Variants in SLC16A14 observed in about 807,000 individuals in gnomAD.
SLC16A14 encodes solute carrier family 16 member 14.
Under a neutral mutation model 35.8 loss-of-function variants are expected in SLC16A14, and 14 were observed. That is an observed-to-expected ratio of 0.39 (90% CI 0.26 to 0.61). The LOEUF (loss-of-function observed/expected upper bound fraction) is 0.61, where lower values mean the gene tolerates loss of function less well. Ranked by LOEUF, SLC16A14 falls within the 20% of genes least tolerant of loss-of-function variation. The pLI is 0.51. For synonymous variants in SLC16A14, 248 were observed against 258.9 expected, an observed-to-expected ratio of 0.96 and a Z score of 0.40; for missense variants, 533 against 655.0, an observed-to-expected ratio of 0.81 and a Z score of 2.03.
intron 2 of SLC16A14, among the ~76,000 whole-genome samples, chr2:230,050,114 G>T (rs1281468130): frequency 6.6e-6 from 1 of 152,176 alleles, no homozygotes. Context: ...GGATTTTCAG[G>T]AAAGGCAGAC....
intron 2 of SLC16A14, among the ~76,000 whole-genome samples, chr2:230,053,003 G>A (rs1270425299): frequency 6.6e-6 from 1 of 151,726 alleles, no homozygotes; most frequent in Non-Finnish European, 1.5e-5. Flanking sequence ...GTGCAGTGGT[G>A]CCATCTCGGC....
chr2:230,063,441 A>G (rs554193037), intron 1 of SLC16A14, among the ~76,000 whole-genome samples: 9 of 151,680 alleles, frequency 5.9e-5, no homozygotes, highest in African/African-American at 1.2e-4. Context: ...TCTTCTGTTG[A>G]TCCTTCAAGA....
chr2:230,060,557 T>C (rs1288111235), intron 1 of SLC16A14, among the ~76,000 whole-genome samples: 1 of 152,120 alleles, frequency 6.6e-6, no homozygotes, highest in Non-Finnish European at 1.5e-5. Flanking sequence ...AGACAGGATC[T>C]CACTATGTTG....
Position 230,046,712 on chromosome 2 carries a change from G to A in SLC16A14, c.414C>T (p.Ser138=), listed in dbSNP as rs765762688. Residue 138 remains serine, a synonymous_variant, in exon 4 of 5, where the codon AGC becomes AGT. Coordinates refer to ENST00000295190, the MANE Select transcript of SLC16A14 (RefSeq NM_152527.5). This position sits in a 1 kb window ranked among gnomAD's most constrained non-coding sequence, Gnocchi z 5.0. ...CCACCGCTGGCAGGTAGGCCATCCC[G>A]CTGCCCAGGCCTGTACAGGCCGACG... ...ITFGVAAGLG[S]GMAYLPAVVM... 6 of 1,599,174 alleles carry A rather than the reference G, an allele frequency of 3.8e-6. No individual in the cohort carries two copies. Among genetic ancestry groups the A allele is most frequent in the South Asian group, 1.1e-5 (1 of 90,964 alleles).
chr2:230,044,432 C>A (rs2077584319), intron 4 of SLC16A14, among the ~76,000 whole-genome samples: 2 of 148,766 alleles, frequency 1.3e-5, no homozygotes, highest in Non-Finnish European at 3.0e-5. Context: ...AAGCTGAGAT[C>A]ACGCCACTGC....
At chr2:230,067,973 C>G (rs1458169006) in intron 1 of SLC16A14, 2 of 152,230 alleles carry the variant, frequency 1.3e-5, no homozygotes, top group African/African-American at 4.8e-5. Flanking sequence ...CACCCCGAGA[C>G]CACATCCCCA....
At chr2:230,044,704 TTG>T (rs751868776) in intron 4 of SLC16A14, among the ~76,000 whole-genome samples, 24,168 of 132,364 alleles carry the variant, frequency 0.18, 2,490 homozygotes, top group Non-Finnish European at 0.24. Flanking sequence ...AAGTCTGTAT[TTG>T]TGTGTGTGTG....
rs375839267 is a variant in SLC16A14, at chr2:230,045,811, C to G, written c.1315G>C (p.Ala439Pro). 6.8e-6 allele frequency: 11 copies of G among 1,614,142 alleles called. No homozygotes were observed. The highest frequency in any genetic ancestry group is 8.5e-6 in the Non-Finnish European group (10 of 1,180,008). ...TEDLVGIEHL[A>P]NAYGIIICAN... The stretch of plus-strand genomic sequence containing the variant: ...CAGATGATGATGCCGTAGGCATTGG[C>G]CAGGTGTTCAATGCCAACCAAGTCT... Residue 439 changes from alanine to proline, a missense_variant, in exon 4 of 5, where the codon GCC (alanine) becomes CCC (proline). Transcript: ENST00000295190.
chr2:230,037,451 A>C lies in SLC16A14; in HGVS notation c.1462T>G (p.Leu488Val), dbSNP rs1321956725. Residue 488 changes from leucine to valine, a missense_variant, in exon 5 of 5, where the codon TTA becomes GTA. Coordinates refer to ENST00000295190, the MANE Select transcript of SLC16A14 (RefSeq NM_152527.5). ...ATTCGAATGCACGGCTGAATAAGTA[A>C]AAAGAGTATTCCTATCATGTAAAGC... The part of the protein sequence containing the change: ...GLLYMIGILF[L>V]LIQPCIRIIE... 3.7e-6 allele frequency: 6 copies of C among 1,613,192 alleles called. No homozygotes were observed. Among genetic ancestry groups the C allele is most frequent in the Non-Finnish European group, 5.1e-6 (6 of 1,179,806 alleles).
At chr2:230,058,125 TG>T (rs1409019810) in intron 2 of SLC16A14, 2 of 152,116 alleles carry the variant, frequency 1.3e-5, no homozygotes, top group Non-Finnish European at 2.9e-5. Context: ...TATTCATAAA[TG>T]TTAAACAAGC....
intron 1 of SLC16A14, among the ~76,000 whole-genome samples, chr2:230,059,897 AG>A (rs2077737642): frequency 6.6e-6 from 1 of 152,334 alleles, no homozygotes; most frequent in African/African-American, 2.4e-5. Context: ...GATTAGCCTC[AG>A]GGGGTCTGGC....
chr2:230,054,208 G>A (rs1321065536), intron 2 of SLC16A14, among the ~76,000 whole-genome samples: 1 of 151,882 alleles, frequency 6.6e-6, no homozygotes, highest in Non-Finnish European at 1.5e-5. Context: ...CCAACAATAG[G>A]GCATCCCCCA....
Position 230,055,830 on chromosome 2 carries a change from A to G in SLC16A14, c.259+3264T>C, listed in dbSNP as rs73109605. On this transcript the variant is annotated intron_variant, in intron 2 of 4. Transcript: ENST00000295190. ...CATACACTTCCAAGATTAAATCTAC[A>G]TGTGTTTTGTTTAACCCCTTACAAA... is the stretch of plus-strand genomic sequence containing the variant. Among the ~76,000 whole-genome samples the G allele has an allele frequency of 6.4e-3, 977 of 152,330 alleles. 10 individuals carry two copies. Among genetic ancestry groups the G allele is most frequent in the African/African-American group, 0.022 (912 of 41,566 alleles).
intron 1 of SLC16A14, among the ~76,000 whole-genome samples, chr2:230,064,515 G>T (rs1577402947): frequency 6.6e-6 from 1 of 152,300 alleles, no homozygotes; most frequent in African/African-American, 2.4e-5. Context: ...CTCTGCCTCT[G>T]TTGTGTGCAG....
Position 230,046,499 on chromosome 2 carries a change from C to T in SLC16A14, c.627G>A (p.Met209Ile). 1.2e-6 allele frequency: 2 copies of T among 1,614,186 alleles called. No homozygotes were observed. The highest frequency in any genetic ancestry group is 1.7e-6 in the Non-Finnish European group (2 of 1,180,020). ...GGTTTTTACCAGGAGAGAGGGGCCT[C>T]ATGAGCGCCCCACAAACACACAGGT... is the stretch of plus-strand genomic sequence containing the variant. ...SLNLCVCGAL[M>I]RPLSPGKNPN... is the part of the protein sequence containing the mutation. The change falls in exon 4 of 5, where the codon ATG (methionine) becomes ATA (isoleucine). Residue 209 changes from methionine (M) to isoleucine (I), a missense_variant. Coordinates refer to ENST00000295190, the MANE Select transcript of SLC16A14 (RefSeq NM_152527.5). The surrounding 1 kb of genome is among the most constrained non-coding windows in gnomAD (Gnocchi z 5.0).
At chr2:230,048,176 A>G (rs1375048707) in intron 3 of SLC16A14, among the ~76,000 whole-genome samples, 1 of 152,228 alleles carries the variant, frequency 6.6e-6, no homozygotes, top group Non-Finnish European at 1.5e-5. Flanking sequence ...TCATTTAATC[A>G]TTTCAACAAC....
intron 2 of SLC16A14, among the ~76,000 whole-genome samples, chr2:230,053,567 G>A (rs1251030661): frequency 6.6e-6 from 1 of 152,138 alleles, no homozygotes; most frequent in African/African-American, 2.4e-5. Context: ...TGGATCACGA[G>A]GTCAGGAGTT....
At chr2:230,050,652 G>A (rs917329876) in intron 2 of SLC16A14, among the ~76,000 whole-genome samples, 1 of 152,122 alleles carries the variant, frequency 6.6e-6, no homozygotes, top group African/African-American at 2.4e-5. Flanking sequence ...TGGACGGTAG[G>A]TTATTATGTT....
chr2:230,043,440 A>G (rs1331788965), intron 4 of SLC16A14, among the ~76,000 whole-genome samples: 1 of 152,174 alleles, frequency 6.6e-6, no homozygotes, highest in Non-Finnish European at 1.5e-5. Context: ...AAAGACTGGG[A>G]AAAAAGGGGG....
Sources: gnomAD v4.1 joint callset for allele counts (sites outside exome capture counted in the v4.1 genomes callset) on GRCh38, gnomAD v4.1.1 for gene constraint, Gnocchi (gnomAD v3.1) non-coding constraint, MANE v1.5 for transcripts, NCBI Gene and HGNC (gene_info 2026-07-23, HGNC 2026-07-21) for gene names.